HCN1: variants seen among roughly 807,000 people sequenced by gnomAD.
HCN1 encodes the protein hyperpolarization activated cyclic nucleotide gated potassium channel 1.
HCN1 carries 13 observed loss-of-function variants against 78.9 expected under a neutral mutation model. The observed-to-expected ratio is 0.16, with a 90% CI of 0.11 to 0.26. The LOEUF (loss-of-function observed/expected upper bound fraction) is 0.26. Among genes scored for constraint, HCN1 ranks in the 10% least tolerant of loss-of-function variants. The pLI, the probability that HCN1 is intolerant of heterozygous loss-of-function variation, is 1.00. For missense variants in HCN1, 810 were observed against 1,154.3 expected, an observed-to-expected ratio of 0.70 and a Z score of 4.32; for synonymous variants, 552 against 455.5, an observed-to-expected ratio of 1.21 and a Z score of -2.70.
At chr5:45,302,724 C>A (rs1034342535) in intron 6 of HCN1, among the ~76,000 whole-genome samples, 2 of 151,804 alleles carry the variant, frequency 1.3e-5, no homozygotes, top group Non-Finnish European at 2.9e-5. Flanking sequence ...CCAGAATTCC[C>A]ACATTTATGG....
chr5:45,367,346 ATATG>A (rs753165787), intron 4 of HCN1, among the ~76,000 whole-genome samples: 4 of 151,870 alleles, frequency 2.6e-5, no homozygotes, highest in African/African-American at 4.8e-5. Context: ...TTACACACAT[ATATG>A]TATGTATTTT....
At chr5:45,315,733 T>C (rs541870307) in intron 5 of HCN1, among the ~76,000 whole-genome samples, 73 of 151,918 alleles carry the variant, frequency 4.8e-4, no homozygotes, top group Non-Finnish European at 7.8e-4. Context: ...AAAGGGGATA[T>C]CACCACCGAT....
intron 3 of HCN1, among the ~76,000 whole-genome samples, chr5:45,461,227 A>G (rs1741148751): frequency 6.6e-6 from 1 of 152,002 alleles, no homozygotes; most frequent in South Asian, 2.1e-4. Context: ...ATCAAAACAT[A>G]TCTTCTTAAA....
intron 2 of HCN1, among the ~76,000 whole-genome samples, chr5:45,595,815 TATG>T (rs923747443): frequency 6.6e-6 from 1 of 152,082 alleles, no homozygotes; most frequent in African/African-American, 2.4e-5. Context: ...TTCCCTGAAT[TATG>T]ATGGTTCAAC....
intron 4 of HCN1, among the ~76,000 whole-genome samples, chr5:45,372,177 T>A (rs1349093040): frequency 1.6e-5 from 1 of 61,790 alleles, no homozygotes; most frequent in African/African-American, 9.5e-5. Context: ...ATAATTATAT[T>A]ATAATATAAT....
chr5:45,375,315 T>A (rs1318626142), intron 4 of HCN1, among the ~76,000 whole-genome samples: 6 of 112,062 alleles, frequency 5.4e-5, no homozygotes, highest in African/African-American at 1.8e-4. Context: ...ACAATATATA[T>A]AATATAATAT....
chr5:45,446,946 AAGACC>A (rs1740812183), intron 3 of HCN1, among the ~76,000 whole-genome samples: 1 of 152,286 alleles, frequency 6.6e-6, no homozygotes, highest in South Asian at 2.1e-4. Context: ...CCAAAATGTA[AAGACC>A]ATCGAGACTA....
At chr5:45,690,142 TATAA>T (rs890291556) in intron 1 of HCN1, among the ~76,000 whole-genome samples, 3 of 152,114 alleles carry the variant, frequency 2.0e-5, no homozygotes, top group African/African-American at 4.8e-5. Flanking sequence ...GTCTAAAATT[TATAA>T]ATATTTACTA....
At chr5:45,385,723 T>G (rs1348066316) in intron 4 of HCN1, among the ~76,000 whole-genome samples, 2 of 152,228 alleles carry the variant, frequency 1.3e-5, no homozygotes, top group African/African-American at 4.8e-5. Context: ...AATTAAATAG[T>G]GAATGCAATT....
At chr5:45,491,922 A>G (rs1455394291) in intron 2 of HCN1, among the ~76,000 whole-genome samples, 1 of 152,156 alleles carries the variant, frequency 6.6e-6, no homozygotes, top group Non-Finnish European at 1.5e-5. Flanking sequence ...AATAAGTACT[A>G]CCTATATATA....
chr5:45,360,877 T>G (rs1217149254), intron 4 of HCN1, among the ~76,000 whole-genome samples: 3 of 152,132 alleles, frequency 2.0e-5, no homozygotes, highest in Non-Finnish European at 4.4e-5. Context: ...TATCTTCATT[T>G]TATATTTCCT....
chr5:45,354,205 A>G (rs1746966142), intron 4 of HCN1, among the ~76,000 whole-genome samples: 1 of 151,880 alleles, frequency 6.6e-6, no homozygotes, highest in Admixed American at 6.6e-5. Flanking sequence ...CATCTTAAAA[A>G]CGTCTCCAGA....
intron 1 of HCN1, among the ~76,000 whole-genome samples, chr5:45,686,819 C>T (rs1225991394): frequency 6.6e-6 from 1 of 152,082 alleles, no homozygotes; most frequent in Non-Finnish European, 1.5e-5. Flanking sequence ...GCTTTACCGC[C>T]CCAGTCTGGA....
chr5:45,273,598 C>A (rs1391341101), intron 6 of HCN1, among the ~76,000 whole-genome samples: 2 of 152,114 alleles, frequency 1.3e-5, no homozygotes, highest in African/African-American at 4.8e-5. Context: ...ATGTGCTTAA[C>A]CTGAGCTTCT....
intron 2 of HCN1, among the ~76,000 whole-genome samples, chr5:45,561,578 C>T (rs1743604109): frequency 6.8e-6 from 1 of 147,714 alleles, no homozygotes; most frequent in Non-Finnish European, 1.5e-5. Flanking sequence ...TGGCCTTTGT[C>T]CCTGGCTCCT....
intron 2 of HCN1, among the ~76,000 whole-genome samples, chr5:45,618,680 T>C (rs559204686): frequency 2.0e-5 from 3 of 152,146 alleles, no homozygotes; most frequent in Non-Finnish European, 2.9e-5. Context: ...AGTCTAATCA[T>C]GAGAAAACAT....
At chr5:45,600,261 A>C (rs1744595206) in intron 2 of HCN1, among the ~76,000 whole-genome samples, 1 of 152,108 alleles carries the variant, frequency 6.6e-6, no homozygotes, top group African/African-American at 2.4e-5. Flanking sequence ...AGAAAGAGAC[A>C]GGTGAGTTCT....
At chr5:45,372,750 T>C (rs944089355) in intron 4 of HCN1, among the ~76,000 whole-genome samples, 2 of 143,270 alleles carry the variant, frequency 1.4e-5, no homozygotes, top group Non-Finnish European at 3.0e-5. Flanking sequence ...AATATATACG[T>C]ATTCTATACA....
intron 3 of HCN1, among the ~76,000 whole-genome samples, chr5:45,421,519 A>T (rs1359943538): frequency 1.3e-5 from 2 of 152,218 alleles, no homozygotes; most frequent in Non-Finnish European, 2.9e-5. Flanking sequence ...TTGTAAGATA[A>T]AGGAACAGCT....
Sources: gnomAD v4.1 joint callset for allele counts (sites outside exome capture counted in the v4.1 genomes callset) on GRCh38, gnomAD v4.1.1 for gene constraint, MANE v1.5 for transcripts, NCBI Gene and HGNC (gene_info 2026-07-23, HGNC 2026-07-21) for gene names.